DHRS3: variants seen among roughly 807,000 people sequenced by gnomAD.
The protein encoded by DHRS3 is dehydrogenase/reductase 3.
Under a neutral mutation model 27.2 loss-of-function variants are expected in DHRS3, and 14 were observed. That is an observed-to-expected ratio of 0.52 (90% CI 0.34 to 0.81). DHRS3 has a LOEUF of 0.81. DHRS3 is among the 30% of genes least tolerant of loss of function. The probability of loss-of-function intolerance (pLI) is 0.01; values close to 1 mark genes in which losing one functional copy is unlikely to be tolerated. For synonymous variants in DHRS3, 165 were observed against 175.9 expected (o/e 0.94, Z 0.49); for missense variants, 322 against 406.2 (o/e 0.79, Z 1.78).
At chr1:12,610,809 A>G (rs1014619457) in intron 1 of DHRS3, among the ~76,000 whole-genome samples, 1 of 152,184 alleles carries the variant, frequency 6.6e-6, no homozygotes, top group African/African-American at 2.4e-5. Flanking sequence ...TTATGGACTT[A>G]TATTTTTGGA....
At chr1:12,569,256 C>CACACACAG (rs1646514282) in intron 5 of DHRS3, among the ~76,000 whole-genome samples, 1 of 149,794 alleles carries the variant, frequency 6.7e-6, no homozygotes, top group South Asian at 2.2e-4. Flanking sequence ...CACACACACA[C>CACACACAG]ACACACTCTT....
chr1:12,573,087 G>A (rs1489795087), intron 4 of DHRS3, among the ~76,000 whole-genome samples: 1 of 152,186 alleles, frequency 6.6e-6, no homozygotes, highest in Non-Finnish European at 1.5e-5. Context: ...ACCCACTGGG[G>A]ACCCACTCTC....
At chr1:12,600,162 G>T (rs1255663120) in intron 1 of DHRS3, among the ~76,000 whole-genome samples, 2 of 152,072 alleles carry the variant, frequency 1.3e-5, no homozygotes, top group Non-Finnish European at 2.9e-5. Flanking sequence ...GAATCTCTAT[G>T]CTTTACTGGC....
At chr1:12,579,085 A>G in intron 3 of DHRS3, 129 bp from the exon 4 acceptor site, 1 of 1,220,202 alleles carries the variant, frequency 8.2e-7, no homozygotes, top group Non-Finnish European at 1.1e-6. Context: ...TGCGAGGGAG[A>G]GGGCCGAGGG....
Position 12,579,527 on chromosome 1 carries a change from G to A in DHRS3, c.340-115C>T, listed in dbSNP as rs1263405834. 5 of 1,453,130 alleles carry A rather than the reference G, an allele frequency of 3.4e-6. No individual in the cohort carries two copies. The African/African-American group carries it at 7.0e-5, about 20-fold the overall frequency. 90.0% of individuals were successfully genotyped at this position (1,453,130 alleles called of 1,614,324 possible). ...GTCTCACTCTGTTGTCCAGGCTGGA[G>A]TGCAGTGGCACCATCTCGGCTCACT... On this transcript the variant is annotated intron_variant, in intron 2 of 5. Coordinates refer to ENST00000616661, the MANE Select transcript of DHRS3 (RefSeq NM_004753.7).
At chr1:12,610,802 T>C (rs1474626037) in intron 1 of DHRS3, among the ~76,000 whole-genome samples, 5 of 152,242 alleles carry the variant, frequency 3.3e-5, no homozygotes, top group African/African-American at 7.2e-5. Context: ...AAGTATCTTA[T>C]GGACTTATAT....
chr1:12,603,927 C>T (rs143953201), intron 1 of DHRS3, among the ~76,000 whole-genome samples: 3,734 of 152,296 alleles, frequency 0.025, 59 homozygotes, highest in Non-Finnish European at 0.034. Context: ...GCGTTCCCTG[C>T]CTCTCACACG....
intron 1 of DHRS3, chr1:12,616,840 G>GGGGGGGGGGGC: frequency 1.8e-6 from 1 of 555,222 alleles, no homozygotes; most frequent in Non-Finnish European, 2.8e-6. Flanking sequence ...GGGGAGGGGG[G>GGGGGGGGGGGC]CACAACACCT....
chr1:12,595,768 C>T (rs1646791253), intron 1 of DHRS3, among the ~76,000 whole-genome samples: 1 of 149,900 alleles, frequency 6.7e-6, no homozygotes, highest in South Asian at 2.1e-4. Context: ...GGGTTGGGAT[C>T]CCGGGTGCAG....
At chr1:12,614,865 T>C (rs1185806342) in intron 1 of DHRS3, among the ~76,000 whole-genome samples, 1 of 152,182 alleles carries the variant, frequency 6.6e-6, no homozygotes, top group Non-Finnish European at 1.5e-5. Flanking sequence ...GGATGTCATC[T>C]GTGGTTCCAC....
intron 1 of DHRS3, among the ~76,000 whole-genome samples, chr1:12,615,910 A>T (rs1266287355): frequency 1.3e-5 from 2 of 152,194 alleles, no homozygotes; most frequent in African/African-American, 4.8e-5. Flanking sequence ...GAGAAGAGGG[A>T]GTCCTGGACA....
intron 1 of DHRS3, among the ~76,000 whole-genome samples, chr1:12,603,683 G>C (rs12139136): frequency 0.097 from 14,815 of 152,240 alleles, 916 homozygotes; most frequent in East Asian, 0.23. Context: ...TCCCTAGGAG[G>C]CTGTTTCAGT....
chr1:12,572,876 T>C, intron 4 of DHRS3, 23 bp from the exon 5 acceptor site: 1 of 1,572,290 alleles, frequency 6.4e-7, no homozygotes, highest in Non-Finnish European at 8.6e-7. Context: ...AGAGACACAG[T>C]GGGTTTCTCC....
chr1:12,569,016 G>A (rs1272289119), intron 5 of DHRS3, among the ~76,000 whole-genome samples: 1 of 152,076 alleles, frequency 6.6e-6, no homozygotes, highest in Non-Finnish European at 1.5e-5. Context: ...TCAGGAGTTC[G>A]AGAACAGCCT....
chr1:12,600,576 C>A (rs1646828959), intron 1 of DHRS3, among the ~76,000 whole-genome samples: 1 of 152,170 alleles, frequency 6.6e-6, no homozygotes, highest in Admixed American at 6.5e-5. Flanking sequence ...CACACTGGCC[C>A]CAGCTCCCCA....
At position 12,594,741 on chromosome 1, in the gene DHRS3, G is replaced by C. The variant is rs1646774262; in HGVS notation, c.196-14075C>G. Among the ~76,000 whole-genome samples, 3 of 152,164 alleles carry C rather than the reference G, an allele frequency of 2.0e-5. No homozygotes were observed. The highest frequency in any genetic ancestry group is 2.1e-4 in the South Asian group (1 of 4,832). On this transcript the variant is annotated intron_variant, in intron 1 of 5. Transcript: ENST00000616661. This position sits in a 1 kb window ranked among gnomAD's most constrained non-coding sequence, Gnocchi z 4.1. ...GAGACCAGTGTGGAAGAGCAAGCGG[G>C]AGACACCAGCCACAGCAGGACTTTG... is the stretch of plus-strand genomic sequence containing the variant.
At chr1:12,605,838 G>A (rs773875449) in intron 1 of DHRS3, among the ~76,000 whole-genome samples, 55 of 152,068 alleles carry the variant, frequency 3.6e-4, no homozygotes, top group Admixed American at 3.9e-4. Context: ...TGGGGACAAT[G>A]CCCTAAAGAA....
At chr1:12,587,683 G>A (rs1327082620) in intron 1 of DHRS3, among the ~76,000 whole-genome samples, 1 of 151,934 alleles carries the variant, frequency 6.6e-6, no homozygotes, top group Non-Finnish European at 1.5e-5. Context: ...CTCCAGCCTG[G>A]ATGACAGAGA....
chr1:12,608,748 G>A lies in DHRS3; in HGVS notation c.195+8406C>T, dbSNP rs1371317455. 3.3e-5 allele frequency among the ~76,000 whole-genome samples: 5 copies of A among 152,222 alleles called. No homozygotes were observed. Among genetic ancestry groups the A allele is most frequent in the Non-Finnish European group, 7.3e-5 (5 of 68,040 alleles). ...AGGGCAGGAAGGTGTTCCTCTTGCA[G>A]GGCCCAGGTCTGCATTTTCGAGCCC... On this transcript the variant is annotated intron_variant, in intron 1 of 5. Coordinates refer to ENST00000616661, the MANE Select transcript of DHRS3 (RefSeq NM_004753.7). The surrounding 1 kb of genome is among the most constrained non-coding windows in gnomAD (Gnocchi z 4.1).
Sources: gnomAD v4.1 joint callset for allele counts (sites outside exome capture counted in the v4.1 genomes callset) on GRCh38, gnomAD v4.1.1 for gene constraint, Gnocchi (gnomAD v3.1) non-coding constraint, MANE v1.5 for transcripts, NCBI Gene and HGNC (gene_info 2026-07-23, HGNC 2026-07-21) for gene names.